The following SLC25A27 variants were observed in gnomAD, a reference collection of about 807,000 sequenced individuals.
SLC25A27 encodes the protein mitochondrial uncoupling protein 4.
Under a neutral mutation model 49.1 loss-of-function variants are expected in SLC25A27, and 35 were observed. The ratio of observed to expected loss-of-function variants is 0.71; its 90% CI spans 0.54 to 0.95. SLC25A27 has a LOEUF of 0.95. Among genes scored for constraint, SLC25A27 ranks in the 40% least tolerant of loss-of-function variants. The pLI is 0.00. For missense variants in SLC25A27, 339 were observed against 397.1 expected, an observed-to-expected ratio of 0.85 and a Z score of 1.24; for synonymous variants, 144 against 136.9, an observed-to-expected ratio of 1.05 and a Z score of -0.36.
rs1393167079 is a variant in SLC25A27, at chr6:46,676,557, C to T, written c.*103C>T. 6 of 1,599,886 alleles carry T rather than the reference C, an allele frequency of 3.8e-6. No individual in the cohort carries two copies. The highest frequency in any genetic ancestry group is 2.3e-5 in the East Asian group (1 of 44,268). On this transcript the variant is annotated 3_prime_UTR_variant, in exon 9 of 9. Coordinates refer to ENST00000371347, the MANE Select transcript of SLC25A27 (RefSeq NM_004277.5). ...TTATTTCTACCTCTTTAGGAAGACACCTATTCCACAGAGACTGATTTATAG... is the reference window on the plus strand; with the variant it reads ...TTATTTCTACCTCTTTAGGAAGACATCTATTCCACAGAGACTGATTTATAG...
At chr6:46,654,813 A>G (rs1035241999) in intron 1 of SLC25A27, among the ~76,000 whole-genome samples, 5 of 152,188 alleles carry the variant, frequency 3.3e-5, no homozygotes, top group Non-Finnish European at 5.9e-5. Flanking sequence ...TTTTCCAAAA[A>G]CCAGTGGTAA....
rs751151034 is a variant in SLC25A27 at position 46,653,150 on chromosome 6, C to T, written c.-43C>T. 3.1e-4 allele frequency: 480 copies of T among 1,568,666 alleles called. 3 individuals carry two copies. Among genetic ancestry groups the T allele is most frequent in the Non-Finnish European group, 3.5e-5 (40 of 1,144,466 alleles). ...GCGGCCGCCGCGGCGCGGTGCAGCG[C>T]AGCGGCGAGAAGGAGTGCGTTATCG... is the stretch of plus-strand genomic sequence containing the variant. On this transcript the variant is annotated 5_prime_UTR_variant, in exon 1 of 9. Coordinates refer to ENST00000371347, the MANE Select transcript of SLC25A27 (RefSeq NM_004277.5).
intron 2 of SLC25A27, chr6:46,658,548 G>A (rs764336477): frequency 4.6e-6 from 2 of 438,458 alleles, no homozygotes; most frequent in South Asian, 3.3e-5. Context: ...AGGGCATCTG[G>A]GGTAAGTAAA....
At position 46,653,264 on chromosome 6, in the gene SLC25A27, A is replaced by G. The variant is rs780332313; in HGVS notation, c.72A>G (p.Leu24=). ...TQRWPRASKF[L]LSGCAATVAE... ...GATGGCCCCGAGCGAGCAAATTCCT[A>G]CTGTCCGGCTGCGCGGCTACCGTGG... The change falls in exon 1 of 9, where the codon CTA becomes CTG. Residue 24 remains leucine (L), a synonymous_variant. Transcript: ENST00000371347. The G allele has an allele frequency of 5.0e-6, 8 of 1,613,504 alleles. No individual in the cohort carries two copies. The highest frequency in any genetic ancestry group is 4.4e-5 in the South Asian group (4 of 91,032).
chr6:46,660,808 C>T (rs1337238200), intron 3 of SLC25A27, among the ~76,000 whole-genome samples: 4 of 152,296 alleles, frequency 2.6e-5, no homozygotes, highest in Admixed American at 2.6e-4. Context: ...ATGTACTAAG[C>T]TATACTAATT....
intron 4 of SLC25A27, among the ~76,000 whole-genome samples, chr6:46,663,722 T>C (rs1480528347): frequency 1.9e-5 from 1 of 53,978 alleles, no homozygotes; most frequent in African/African-American, 1.4e-4. Flanking sequence ...TATATTAACC[T>C]GTAATAGGGG....
At chr6:46,656,632 T>C (rs1762989527) in intron 2 of SLC25A27, among the ~76,000 whole-genome samples, 1 of 152,148 alleles carries the variant, frequency 6.6e-6, no homozygotes, top group African/African-American at 2.4e-5. Context: ...TTGATCAGGT[T>C]GGTCCCAAAC....
At chr6:46,666,133 G>T (rs1763318909) in intron 5 of SLC25A27, among the ~76,000 whole-genome samples, 1 of 151,990 alleles carries the variant, frequency 6.6e-6, no homozygotes, top group Admixed American at 6.6e-5. Context: ...TCTTCTAGAG[G>T]TCCTCTAATA....
chr6:46,673,042 T>C (rs1012235661), intron 8 of SLC25A27, among the ~76,000 whole-genome samples: 24 of 152,192 alleles, frequency 1.6e-4, no homozygotes, highest in African/African-American at 5.8e-4. Context: ...GAAAGGTAAA[T>C]TTTGATTTGG....
chr6:46,661,394 A>G (rs569950809), intron 3 of SLC25A27, among the ~76,000 whole-genome samples: 1 of 152,346 alleles, frequency 6.6e-6, no homozygotes, highest in East Asian at 1.9e-4. Context: ...TGTTCGTTAA[A>G]TAAATTATGG....
chr6:46,658,984 C>T lies in SLC25A27; in HGVS notation c.321C>T (p.Val107=), dbSNP rs1562035625. Reference sequence around the variant, plus strand: ...CAGTGTATTCTGGAGGTCGAATGGTCACATATGAACATCTCCGAGAGGTTG... The same window carrying T: ...CAGTGTATTCTGGAGGTCGAATGGTTACATATGAACATCTCCGAGAGGTTG... ...RHVVYSGGRM[V]TYEHLREVVF... is the part of the protein sequence containing the mutation. Residue 107 remains valine (V), a synonymous_variant, in exon 3 of 9, where the codon GTC becomes GTT. Transcript: ENST00000371347. The T allele has an allele frequency of 7.4e-6, 12 of 1,613,376 alleles. No homozygotes were observed. The highest frequency in any genetic ancestry group is 1.0e-5 in the Non-Finnish European group (12 of 1,179,410).
chr6:46,668,071 G>A (rs186998975), intron 5 of SLC25A27, among the ~76,000 whole-genome samples: 22 of 152,310 alleles, frequency 1.4e-4, no homozygotes, highest in African/African-American at 4.1e-4. Flanking sequence ...AGGGCCAGGC[G>A]CGGCGGCTCA....
At chr6:46,660,489 C>G (rs974116340) in intron 3 of SLC25A27, among the ~76,000 whole-genome samples, 3 of 152,108 alleles carry the variant, frequency 2.0e-5, no homozygotes, top group Non-Finnish European at 4.4e-5. Context: ...TGATTATAAT[C>G]ATTTATAAAT....
chr6:46,655,997 T>C lies in SLC25A27; in HGVS notation c.261T>C (p.Leu87=), dbSNP rs1167673763. ...GIIEEEGFLK[L]WQGVTPAIYR... ...TTGAAGAGGAAGGCTTTCTAAAGCT[T>C]TGGCAAGGAGTGACACCCGCCATTT... The change falls in exon 2 of 9, where the codon CTT becomes CTC. Residue 87 remains leucine (L), a synonymous_variant. Coordinates refer to ENST00000371347, the MANE Select transcript of SLC25A27 (RefSeq NM_004277.5). The C allele has an allele frequency of 6.2e-7, 1 of 1,612,234 alleles. No homozygotes were observed. The highest frequency in any genetic ancestry group is 1.7e-4 in the Middle Eastern group (1 of 6,060).
intron 5 of SLC25A27, among the ~76,000 whole-genome samples, chr6:46,668,239 G>A (rs1463581961): frequency 6.6e-6 from 1 of 152,172 alleles, no homozygotes; most frequent in Non-Finnish European, 1.5e-5. Context: ...TTGGGAGGCT[G>A]AGGCACAAGA....
chr6:46,655,531 G>GTTTTTT (rs1283936753), intron 1 of SLC25A27, among the ~76,000 whole-genome samples: 15 of 98,548 alleles, frequency 1.5e-4, no homozygotes, highest in African/African-American at 1.9e-4. Context: ...TATTGTTAAT[G>GTTTTTT]TTTGTTTTTT....
chr6:46,675,749 C>G (rs182380816), intron 8 of SLC25A27, among the ~76,000 whole-genome samples: 50 of 152,098 alleles, frequency 3.3e-4, no homozygotes, highest in Admixed American at 1.1e-3. Context: ...CCTCTTCTAA[C>G]CCTTATTCTT....
At chr6:46,657,746 A>G (rs1456163135) in intron 2 of SLC25A27, among the ~76,000 whole-genome samples, 1 of 152,140 alleles carries the variant, frequency 6.6e-6, no homozygotes, top group Non-Finnish European at 1.5e-5. Flanking sequence ...GCCAAATCTC[A>G]TGAGTCCCTG....
chr6:46,668,037 A>G (rs1354342779), intron 5 of SLC25A27, among the ~76,000 whole-genome samples: 1 of 152,156 alleles, frequency 6.6e-6, no homozygotes, highest in African/African-American at 2.4e-5. Flanking sequence ...ATAGCTCTTC[A>G]TTGCCATTAG....
Sources: allele counts gnomAD v4.1 joint callset (sites outside exome capture counted in the v4.1 genomes callset), GRCh38; gene constraint gnomAD v4.1.1; transcripts MANE v1.5; gene names NCBI Gene and HGNC (gene_info 2026-07-23, HGNC 2026-07-21).